The following ROBO2 variants were observed in gnomAD, a reference collection of about 807,000 sequenced individuals.
The protein encoded by ROBO2 is roundabout homolog 2.
In ROBO2, 53 loss-of-function variants were observed where a neutral mutation model predicts 160.8. That is an observed-to-expected ratio of 0.33 (90% confidence interval 0.26 to 0.41). The LOEUF is 0.41. ROBO2 is among the 10% of genes least tolerant of loss of function. The probability of loss-of-function intolerance (pLI) is 1.00; values close to 1 mark genes in which losing one functional copy is unlikely to be tolerated. For synonymous variants in ROBO2, 664 were observed against 611.7 expected (o/e 1.09, Z -1.26); for missense variants, 1,577 against 1,722.4 (o/e 0.92, Z 1.49).
chr3:76,304,799 T>C (rs1314853891), intron 2 of ROBO2, among the ~76,000 whole-genome samples: 10 of 136,248 alleles, frequency 7.3e-5, no homozygotes, highest in Non-Finnish European at 1.4e-4. Context: ...TCTTTCTTTC[T>C]CTTTCTTTTT....
intron 2 of ROBO2, among the ~76,000 whole-genome samples, chr3:76,271,528 T>C (rs1707430652): frequency 6.7e-6 from 1 of 149,956 alleles, no homozygotes; most frequent in African/African-American, 2.5e-5. Flanking sequence ...TTTAAGTTAA[T>C]AAATAATACC....
intron 2 of ROBO2, among the ~76,000 whole-genome samples, chr3:76,394,743 C>T (rs6782868): frequency 0.22 from 33,022 of 151,812 alleles, 4,453 homozygotes; most frequent in African/African-American, 0.38. Flanking sequence ...CATTACATAA[C>T]GGTAAAGGGA....
intron 2 of ROBO2, among the ~76,000 whole-genome samples, chr3:77,282,834 A>T (rs1197899782): frequency 6.6e-6 from 1 of 152,072 alleles, no homozygotes; most frequent in African/African-American, 2.4e-5. Flanking sequence ...CAATGAGATT[A>T]TTATTTATCT....
chr3:76,407,462 A>G (rs1316118652), intron 2 of ROBO2, among the ~76,000 whole-genome samples: 1 of 147,204 alleles, frequency 6.8e-6, no homozygotes, highest in African/African-American at 2.6e-5. Context: ...ACATAATAAA[A>G]GTCAACATAG....
At chr3:76,055,686 A>G (rs1315632821) in intron 2 of ROBO2, among the ~76,000 whole-genome samples, 1 of 152,060 alleles carries the variant, frequency 6.6e-6, no homozygotes, top group Non-Finnish European at 1.5e-5. Context: ...TATTTTTGTG[A>G]CTGTATGGTA....
intron 2 of ROBO2, among the ~76,000 whole-genome samples, chr3:77,413,942 A>G (rs949406078): frequency 1.3e-5 from 2 of 152,122 alleles, no homozygotes; most frequent in African/African-American, 4.8e-5. Flanking sequence ...TAAATTTAGA[A>G]TCTTTGTGTA....
chr3:76,739,860 G>A (rs1190379960), intron 2 of ROBO2, among the ~76,000 whole-genome samples: 1 of 152,066 alleles, frequency 6.6e-6, no homozygotes, highest in East Asian at 1.9e-4. Flanking sequence ...CTAATTCTAA[G>A]TTTTATTGCT....
chr3:76,149,088 T>G (rs931597864), intron 2 of ROBO2, among the ~76,000 whole-genome samples: 1 of 152,066 alleles, frequency 6.6e-6, no homozygotes, highest in African/African-American at 2.4e-5. Context: ...CTCAGTTTTT[T>G]TTTGTGTGTG....
intron 2 of ROBO2, among the ~76,000 whole-genome samples, chr3:76,203,215 T>TA (rs1454005591): frequency 1.2e-4 from 19 of 152,158 alleles, no homozygotes; most frequent in Non-Finnish European, 2.5e-4. Context: ...GGTTGACTGA[T>TA]ACGGACTCCA....
intron 2 of ROBO2, among the ~76,000 whole-genome samples, chr3:77,464,369 G>A (rs902969251): frequency 4.6e-5 from 7 of 152,116 alleles, no homozygotes; most frequent in Non-Finnish European, 2.9e-5. Context: ...AGGGGATTTC[G>A]AGTGCATTCC....
chr3:77,291,546 C>T (rs2061259317), intron 2 of ROBO2, among the ~76,000 whole-genome samples: 2 of 146,918 alleles, frequency 1.4e-5, no homozygotes, highest in Admixed American at 6.8e-5. Flanking sequence ...CTAGATCACC[C>T]CAGACATAAA....
At chr3:77,149,068 C>T (rs1188409517) in intron 2 of ROBO2, among the ~76,000 whole-genome samples, 2 of 145,832 alleles carry the variant, frequency 1.4e-5, no homozygotes, top group African/African-American at 5.1e-5. Flanking sequence ...GACAGTCTCG[C>T]ACTGTCACCC....
intron 2 of ROBO2, among the ~76,000 whole-genome samples, chr3:76,640,523 A>T (rs1423492062): frequency 1.3e-5 from 2 of 148,904 alleles, no homozygotes; most frequent in Non-Finnish European, 3.0e-5. Context: ...CAACGAGTGA[A>T]GCTCCGTCTC....
intron 2 of ROBO2, among the ~76,000 whole-genome samples, chr3:77,264,565 A>G (rs1020313165): frequency 2.0e-5 from 3 of 152,164 alleles, no homozygotes; most frequent in Admixed American, 6.6e-5. Flanking sequence ...AAAAAGATCT[A>G]TGTCTGCCAG....
intron 2 of ROBO2, among the ~76,000 whole-genome samples, chr3:77,368,606 A>G (rs2071286487): frequency 6.6e-6 from 1 of 152,248 alleles, no homozygotes; most frequent in African/African-American, 2.4e-5. Context: ...CAATTAAAAT[A>G]TTAGTTAATA....
intron 2 of ROBO2, among the ~76,000 whole-genome samples, chr3:76,672,674 G>A (rs1030709071): frequency 4.6e-5 from 7 of 152,080 alleles, no homozygotes; most frequent in Admixed American, 2.0e-4. Context: ...CAAGCACAAT[G>A]AGCAGCTTTG....
chr3:76,980,193 T>C (rs2060024365), intron 2 of ROBO2, among the ~76,000 whole-genome samples: 1 of 152,198 alleles, frequency 6.6e-6, no homozygotes, highest in South Asian at 2.1e-4. Flanking sequence ...AAGGCTGCTG[T>C]ATATAATGTG....
At chr3:76,049,909 G>C (rs1014169327) in intron 2 of ROBO2, among the ~76,000 whole-genome samples, 6 of 151,996 alleles carry the variant, frequency 3.9e-5, no homozygotes, top group Non-Finnish European at 7.4e-5. Context: ...AAAAAGATAG[G>C]CCTCTTCTTT....
At chr3:76,081,982 A>T (rs1314173358) in intron 2 of ROBO2, among the ~76,000 whole-genome samples, 1 of 152,096 alleles carries the variant, frequency 6.6e-6, no homozygotes, top group Non-Finnish European at 1.5e-5. Context: ...CAAGCCACAG[A>T]TTTTTGTGAC....
Sources: allele counts gnomAD v4.1 joint callset (sites outside exome capture counted in the v4.1 genomes callset), GRCh38; gene constraint gnomAD v4.1.1; transcripts MANE v1.5; gene names NCBI Gene and HGNC (gene_info 2026-07-23, HGNC 2026-07-21).